The following ZNF804A variants were observed in gnomAD, a reference collection of about 807,000 sequenced individuals.
The protein encoded by ZNF804A is zinc finger protein 804A.
ZNF804A carries 2 observed loss-of-function variants against 16.5 expected under a neutral mutation model. The observed-to-expected ratio is 0.12, with a 90% CI of 0.05 to 0.38. The LOEUF (loss-of-function observed/expected upper bound fraction) is 0.38, where lower values mean the gene tolerates loss of function less well. Ranked by LOEUF, ZNF804A falls within the 10% of genes least tolerant of loss-of-function variation. The probability of loss-of-function intolerance (pLI) is 0.99; values close to 1 mark genes in which losing one functional copy is unlikely to be tolerated. For missense variants in ZNF804A, 1,473 were observed against 1,390.7 expected, an observed-to-expected ratio of 1.06 and a Z score of -0.94; for synonymous variants, 534 against 489.6, an observed-to-expected ratio of 1.09 and a Z score of -1.20.
intron 1 of ZNF804A, among the ~76,000 whole-genome samples, chr2:184,837,608 C>CT (rs918321059): frequency 8.6e-5 from 13 of 151,894 alleles, no homozygotes; most frequent in Admixed American, 7.9e-4. Context: ...AATAACAGCA[C>CT]TTTTTTACAG....
chr2:184,643,258 T>C (rs1042152746), intron 1 of ZNF804A, among the ~76,000 whole-genome samples: 4 of 152,062 alleles, frequency 2.6e-5, no homozygotes, highest in African/African-American at 9.6e-5. Context: ...TATAGTATAG[T>C]GAAAGGTTCT....
intron 1 of ZNF804A, among the ~76,000 whole-genome samples, chr2:184,644,139 TACTG>T (rs1691837400): frequency 6.6e-6 from 1 of 151,472 alleles, no homozygotes; most frequent in Non-Finnish European, 1.5e-5. Context: ...TGAAAAAAAA[TACTG>T]AAGTAAATAT....
intron 1 of ZNF804A, among the ~76,000 whole-genome samples, chr2:184,813,246 A>G (rs898022386): frequency 6.6e-6 from 1 of 152,162 alleles, no homozygotes; most frequent in Admixed American, 6.6e-5. Context: ...TTAAAAAAAA[A>G]GTATAAAACT....
Position 184,936,255 on chromosome 2 carries a change from G to C in ZNF804A, c.859G>C (p.Asp287His). ...SFHPPEAMCR[D>H]KETVQTQEIK... ...TCATCCACCAGAGGCAATGTGCAGAGACAAAGAAACTGTTCAAACTCAAGA... is the reference window on the plus strand; with the variant it reads ...TCATCCACCAGAGGCAATGTGCAGACACAAAGAAACTGTTCAAACTCAAGA... Residue 287 changes from aspartate to histidine, a missense_variant, in exon 4 of 4, where the codon GAC (aspartate) becomes CAC (histidine). Coordinates refer to ENST00000302277, the MANE Select transcript of ZNF804A (RefSeq NM_194250.2). The C allele has an allele frequency of 6.2e-7, 1 of 1,613,970 alleles. No individual in the cohort carries two copies. The highest frequency in any genetic ancestry group is 1.3e-5 in the African/African-American group (1 of 75,040).
chr2:184,891,784 T>C (rs1367840143), intron 2 of ZNF804A, among the ~76,000 whole-genome samples: 1 of 152,228 alleles, frequency 6.6e-6, no homozygotes, highest in Non-Finnish European at 1.5e-5. Flanking sequence ...TATCCAGTAT[T>C]AACAATATTT....
In ZNF804A at chr2:184,867,434, A is replaced by C. The variant is rs773352839; in HGVS notation, c.255+922A>C. 7.0e-4 allele frequency among the ~76,000 whole-genome samples: 106 copies of C among 152,244 alleles called. 1 individual carries two copies. Among genetic ancestry groups the C allele is most frequent in the Admixed American group, 2.0e-3 (30 of 15,276 alleles). Reference sequence around the variant, plus strand: ...TTATTGTAAGAAAGAAAAAGTAGGGAAAGTGATCATGTTAAACGATAATGA... The same window carrying C: ...TTATTGTAAGAAAGAAAAAGTAGGGCAAGTGATCATGTTAAACGATAATGA... On this transcript the variant is annotated intron_variant, in intron 2 of 3. Coordinates refer to ENST00000302277, the MANE Select transcript of ZNF804A (RefSeq NM_194250.2).
chr2:184,904,264 A>T (rs552311468), intron 2 of ZNF804A, among the ~76,000 whole-genome samples: 1 of 152,134 alleles, frequency 6.6e-6, no homozygotes, highest in African/African-American at 2.4e-5. Context: ...TAGTTTACTT[A>T]ATTTTTATTA....
intron 1 of ZNF804A, among the ~76,000 whole-genome samples, chr2:184,666,144 C>CT (rs35487074): frequency 6.6e-6 from 1 of 152,118 alleles, no homozygotes; most frequent in African/African-American, 2.4e-5. Context: ...GATACAACCA[C>CT]TTTTTTTCAA....
intron 1 of ZNF804A, among the ~76,000 whole-genome samples, chr2:184,786,353 CT>C (rs1169118832): frequency 1.3e-5 from 2 of 151,834 alleles, no homozygotes; most frequent in Non-Finnish European, 2.9e-5. Flanking sequence ...TCCCTAATAA[CT>C]TTTTTTATAT....
chr2:184,756,694 A>T (rs916332728), intron 1 of ZNF804A, among the ~76,000 whole-genome samples: 2 of 152,006 alleles, frequency 1.3e-5, no homozygotes, highest in South Asian at 4.1e-4. Flanking sequence ...AATGGTCTTA[A>T]TGTGTGTATG....
chr2:184,858,042 C>T (rs897519373), intron 1 of ZNF804A, among the ~76,000 whole-genome samples: 1 of 151,978 alleles, frequency 6.6e-6, no homozygotes, highest in Non-Finnish European at 1.5e-5. Flanking sequence ...CTTTCTTCTA[C>T]TCTCGATGCC....
At chr2:184,614,242 G>A (rs902209722) in intron 1 of ZNF804A, among the ~76,000 whole-genome samples, 4 of 151,900 alleles carry the variant, frequency 2.6e-5, no homozygotes, top group Admixed American at 2.0e-4. Context: ...GGCAGAAAAC[G>A]GAAACTGGAC....
intron 2 of ZNF804A, among the ~76,000 whole-genome samples, chr2:184,879,723 C>G (rs1684779235): frequency 6.6e-6 from 1 of 151,880 alleles, no homozygotes; most frequent in African/African-American, 2.4e-5. Context: ...ATATATAGCC[C>G]CATTTAGTTT....
chr2:184,815,761 G>A (rs766860657), intron 1 of ZNF804A, among the ~76,000 whole-genome samples: 8 of 151,850 alleles, frequency 5.3e-5, no homozygotes, highest in Admixed American at 2.6e-4. Context: ...AAAAATAATC[G>A]CAACATGTAA....
intron 1 of ZNF804A, among the ~76,000 whole-genome samples, chr2:184,742,052 C>A (rs909076921): frequency 1.3e-5 from 2 of 151,794 alleles, no homozygotes; most frequent in African/African-American, 4.8e-5. Flanking sequence ...GAAATTGATT[C>A]TTATCAATAA....
At chr2:184,806,896 C>A (rs1427058652) in intron 1 of ZNF804A, among the ~76,000 whole-genome samples, 1 of 151,444 alleles carries the variant, frequency 6.6e-6, no homozygotes, top group Non-Finnish European at 1.5e-5. Context: ...ATATTAAAGT[C>A]TTTATTTAAA....
In ZNF804A at chr2:184,938,141, C is replaced by T. The variant is rs1167811437; in HGVS notation, c.2745C>T (p.Thr915=). The T allele has an allele frequency of 6.2e-7, 1 of 1,613,970 alleles. No individual in the cohort carries two copies. Among genetic ancestry groups the T allele is most frequent in the Non-Finnish European group, 8.5e-7 (1 of 1,180,026 alleles). ...GELSDVSNDP[T]TSVCVASAPT... ...TGTCAGATGTTTCCAATGATCCCAC[C>T]ACATCTGTCTGTGTAGCTAGTGCCC... The change falls in exon 4 of 4, where the codon ACC becomes ACT. Residue 915 remains threonine (T), a synonymous_variant. Transcript: ENST00000302277.
intron 1 of ZNF804A, among the ~76,000 whole-genome samples, chr2:184,722,591 G>A (rs1047297861): frequency 6.6e-6 from 1 of 151,916 alleles, no homozygotes; most frequent in South Asian, 2.1e-4. Flanking sequence ...GTTACTATAC[G>A]CAATAGTGAC....
chr2:184,621,233 G>T (rs1299739334), intron 1 of ZNF804A, among the ~76,000 whole-genome samples: 1 of 151,430 alleles, frequency 6.6e-6, no homozygotes, highest in Non-Finnish European at 1.5e-5. Flanking sequence ...AACAACACTG[G>T]TAGATAATTT....
Sources: allele counts gnomAD v4.1 joint callset (sites outside exome capture counted in the v4.1 genomes callset), GRCh38; gene constraint gnomAD v4.1.1; transcripts MANE v1.5; gene names NCBI Gene and HGNC (gene_info 2026-07-23, HGNC 2026-07-21).